The following FRMD4A variants were observed in gnomAD, a reference collection of about 807,000 sequenced individuals.
The protein encoded by FRMD4A is FERM domain-containing protein 4A.
FRMD4A carries 29 observed loss-of-function variants against 129.1 expected under a neutral mutation model. The ratio of observed to expected loss-of-function variants is 0.22; its 90% CI spans 0.17 to 0.31. The LOEUF (loss-of-function observed/expected upper bound fraction) is 0.31. Among genes scored for constraint, FRMD4A ranks in the 10% least tolerant of loss-of-function variants. The pLI is 1.00. For synonymous variants in FRMD4A, 634 were observed against 571.6 expected (o/e 1.11, Z -1.56); for missense variants, 1,272 against 1,375.8 (o/e 0.92, Z 1.19).
At chr10:14,034,597 G>A (rs1047422965) in intron 2 of FRMD4A, among the ~76,000 whole-genome samples, 1 of 151,760 alleles carries the variant, frequency 6.6e-6, no homozygotes, top group Non-Finnish European at 1.5e-5. Context: ...GAGATGATCA[G>A]ATCTGATCCT....
chr10:13,677,343 A>G (rs1309320249), intron 15 of FRMD4A, among the ~76,000 whole-genome samples: 1 of 152,224 alleles, frequency 6.6e-6, no homozygotes, highest in Non-Finnish European at 1.5e-5. Flanking sequence ...AACCAAATAA[A>G]TGTTCACAGT....
rs1164857558 is a variant in FRMD4A, at chr10:13,649,683, G to C, written c.*2+2220C>G. 2.0e-5 allele frequency: 3 copies of C among 152,320 alleles called. No homozygotes were observed. The East Asian group carries it at 5.8e-4, about 29-fold the overall frequency. The allele number at this position is 152,320 out of a possible 1,614,324, so 9.4% of individuals were successfully genotyped here. On this transcript the variant is annotated intron_variant, in intron 24 of 24. Transcript: ENST00000357447. ...GCTATAAATGTTGCTTCATGTATTG[G>C]TCTTTTATTCTCAAGTCTGGGGAAG...
At chr10:13,750,084 G>T (rs888783155) in intron 8 of FRMD4A, among the ~76,000 whole-genome samples, 3 of 74,846 alleles carry the variant, frequency 4.0e-5, no homozygotes, top group African/African-American at 5.0e-5. Context: ...AAGAAAGAAA[G>T]AAAGAAAGAA....
chr10:13,952,859 T>C (rs12261961), intron 2 of FRMD4A, among the ~76,000 whole-genome samples: 29,789 of 151,644 alleles, frequency 0.2, 3,176 homozygotes, highest in South Asian at 0.24. Flanking sequence ...TGTCGGCTAA[T>C]TTTTTTTCGT....
intron 2 of FRMD4A, among the ~76,000 whole-genome samples, chr10:14,280,403 C>T (rs1018543054): frequency 9.2e-5 from 14 of 152,076 alleles, no homozygotes; most frequent in African/African-American, 3.1e-4. Flanking sequence ...GCTTCAGCCC[C>T]CTGATTAGCT....
chr10:14,174,530 G>GTTCA (rs1564363160), intron 2 of FRMD4A, among the ~76,000 whole-genome samples: 2 of 117,090 alleles, frequency 1.7e-5, no homozygotes, highest in Non-Finnish European at 3.6e-5. Context: ...TGTTGCGTTT[G>GTTCA]TTCGTTCATT....
chr10:14,102,764 T>C lies in FRMD4A; in HGVS notation c.45+227294A>G, dbSNP rs569601298. On this transcript the variant is annotated intron_variant, in intron 2 of 24. Transcript: ENST00000357447. ...GTACAACTTTCTTGAGTCTTGAAGATAGTGAGAAAAAAAAAAAAGTCCTGC... is the reference window on the plus strand; with the variant it reads ...GTACAACTTTCTTGAGTCTTGAAGACAGTGAGAAAAAAAAAAAAGTCCTGC... Among the ~76,000 whole-genome samples, 11 of 27,064 alleles carry C rather than the reference T, an allele frequency of 4.1e-4. No individual in the cohort carries two copies. The South Asian group carries it at 0.035, about 86-fold the overall frequency. 17.8% of individuals were successfully genotyped at this position (27,064 alleles called of 152,430 possible).
intron 8 of FRMD4A, among the ~76,000 whole-genome samples, chr10:13,750,790 G>C (rs1320636872): frequency 6.6e-6 from 1 of 152,180 alleles, no homozygotes; most frequent in Admixed American, 6.5e-5. Context: ...ACAGCACCTG[G>C]TGATTTTCAA....
At chr10:13,718,487 C>T (rs1160007965) in intron 12 of FRMD4A, among the ~76,000 whole-genome samples, 1 of 152,230 alleles carries the variant, frequency 6.6e-6, no homozygotes, top group Non-Finnish European at 1.5e-5. Context: ...TGGGGCCTTT[C>T]TCTCTACGGA....
chr10:14,206,856 A>G (rs551241457), intron 2 of FRMD4A, among the ~76,000 whole-genome samples: 17 of 150,238 alleles, frequency 1.1e-4, no homozygotes, highest in Non-Finnish European at 1.2e-4. Flanking sequence ...TTTTAATTGC[A>G]TAAAATCCTA....
intron 12 of FRMD4A, among the ~76,000 whole-genome samples, chr10:13,727,333 G>A (rs913984501): frequency 4.6e-5 from 7 of 152,172 alleles, no homozygotes; most frequent in African/African-American, 1.7e-4. Flanking sequence ...ACTGAAGGAC[G>A]TACGCCCTCT....
At chr10:14,137,883 T>G (rs1839627390) in intron 2 of FRMD4A, among the ~76,000 whole-genome samples, 1 of 152,226 alleles carries the variant, frequency 6.6e-6, no homozygotes, top group Non-Finnish European at 1.5e-5. Flanking sequence ...GATGAGATTA[T>G]GTAAGCCCCC....
chr10:13,714,197 G>GGATTACA (rs1361918519), intron 12 of FRMD4A, among the ~76,000 whole-genome samples: 1 of 149,522 alleles, frequency 6.7e-6, no homozygotes, highest in Admixed American at 6.7e-5. Context: ...CAAGTAGCTG[G>GGATTACA]GATTACAGGC....
intron 2 of FRMD4A, chr10:14,326,808 C>T: frequency 2.5e-6 from 1 of 398,642 alleles, no homozygotes; most frequent in Non-Finnish European, 4.4e-6. Flanking sequence ...CAATTAGTCA[C>T]ATCAATCTGA....
At chr10:14,290,360 G>T (rs1043680537) in intron 2 of FRMD4A, among the ~76,000 whole-genome samples, 1 of 151,998 alleles carries the variant, frequency 6.6e-6, no homozygotes, top group Non-Finnish European at 1.5e-5. Flanking sequence ...AAACAGTATG[G>T]TGCTGGCATA....
At chr10:13,994,071 G>T (rs12767597) in intron 2 of FRMD4A, among the ~76,000 whole-genome samples, 39,007 of 148,866 alleles carry the variant, frequency 0.26, 5,883 homozygotes, top group East Asian at 0.6. Flanking sequence ...GTGCAGTGAT[G>T]CGATCTTGGC....
intron 2 of FRMD4A, among the ~76,000 whole-genome samples, chr10:14,098,560 T>C (rs991598929): frequency 6.6e-6 from 1 of 152,158 alleles, no homozygotes; most frequent in African/African-American, 2.4e-5. Context: ...CCTGCCAGCA[T>C]GCCCGGCTAA....
chr10:13,914,928 T>C (rs2094983279), intron 2 of FRMD4A, among the ~76,000 whole-genome samples: 1 of 151,906 alleles, frequency 6.6e-6, no homozygotes, highest in Non-Finnish European at 1.5e-5. Context: ...GCAGGAGTAT[T>C]GCGTGAGCCC....
intron 12 of FRMD4A, among the ~76,000 whole-genome samples, chr10:13,725,268 G>A (rs1423606616): frequency 7.2e-5 from 11 of 152,170 alleles, no homozygotes; most frequent in African/African-American, 2.4e-4. Context: ...CCAGGTATCC[G>A]GCAAATAATG....
Sources: gnomAD v4.1 joint callset for allele counts (sites outside exome capture counted in the v4.1 genomes callset) on GRCh38, gnomAD v4.1.1 for gene constraint, MANE v1.5 for transcripts, NCBI Gene and HGNC (gene_info 2026-07-23, HGNC 2026-07-21) for gene names.